The following DKK3 variants were observed in gnomAD, a reference collection of about 807,000 sequenced individuals.
The protein encoded by DKK3 is dickkopf-related protein 3.
DKK3 carries 22 observed loss-of-function variants against 33.2 expected under a neutral mutation model. The observed-to-expected ratio is 0.66, with a 90% confidence interval of 0.47 to 0.95. The LOEUF (loss-of-function observed/expected upper bound fraction) is 0.95. DKK3 is among the 40% of genes least tolerant of loss of function. The pLI is 0.00. For missense variants in DKK3, 398 were observed against 458.4 expected, an observed-to-expected ratio of 0.87 and a Z score of 1.20; for synonymous variants, 194 against 188.8, an observed-to-expected ratio of 1.03 and a Z score of -0.23.
chr11:12,008,959 C>T (rs969915223), upstream of DKK3: 3 of 1,012,764 alleles, frequency 3.0e-6, no homozygotes, highest in Admixed American at 5.9e-5. This position sits in a 1 kb window ranked among gnomAD's most constrained non-coding sequence, Gnocchi z 4.6. Context: ...ACTCTGTCCC[C>T]GGTTCAAACC....
chr11:11,984,009 G>T (rs1308220643), intron 3 of DKK3, among the ~76,000 whole-genome samples: 1 of 152,248 alleles, frequency 6.6e-6, no homozygotes, highest in African/African-American at 2.4e-5. Flanking sequence ...GCAACAGACA[G>T]ATCCTTCTAC....
rs371884398 is a variant in DKK3, at chr11:11,967,089, G to A, written c.538C>T (p.Arg180Trp). 2.5e-5 allele frequency: 40 copies of A among 1,613,348 alleles called. No homozygotes were observed. The African/African-American group carries it at 2.5e-4, about 10-fold the overall frequency. Residue 180 changes from arginine (R) to tryptophan (W), a missense_variant, in exon 5 of 7, where the codon CGG (arginine) becomes TGG (tryptophan). Arg to Trp is a moderately radical substitution (Grantham distance 101, BLOSUM62 -3). Coordinates refer to ENST00000683431, the MANE Select transcript of DKK3 (RefSeq NM_001018057.2). ...PCRGQRMLCT[R>W]DSECCGDQLC... ...TGGTCTCCACAGCACTCACTGTCCC[G>A]GGTGCAGAGCTGCAGACAGGTGGAA... is the stretch of plus-strand genomic sequence containing the variant.
chr11:11,968,426 T>G lies in DKK3; in HGVS notation c.497A>C (p.Tyr166Ser), dbSNP rs746729150. 3.1e-6 allele frequency: 5 copies of G among 1,613,186 alleles called. No individual in the cohort carries two copies. In the African/African-American group the frequency reaches 6.7e-5, roughly 22 times the overall value. The change falls in exon 4 of 7, where the codon TAC (tyrosine) becomes TCC (serine). Residue 166 changes from tyrosine to serine, a missense_variant. Tyr to Ser is a moderately radical substitution (Grantham distance 144). Coordinates refer to ENST00000683431, the MANE Select transcript of DKK3 (RefSeq NM_001018057.2). Reference sequence around the variant, plus strand: ...CTGGCCCCGGCATGGCTGGCAGGTGTACTGGAAGCTGGCAAACTGGCAGTA... The same window carrying G: ...CTGGCCCCGGCATGGCTGGCAGGTGGACTGGAAGCTGGCAAACTGGCAGTA... Reference protein sequence around the residue: ...SMYCQFASFQYTCQPCRGQRM... With the variant: ...SMYCQFASFQSTCQPCRGQRM...
chr11:11,972,854 C>A (rs568752670), intron 3 of DKK3, among the ~76,000 whole-genome samples: 1 of 152,198 alleles, frequency 6.6e-6, no homozygotes, highest in South Asian at 2.1e-4. Context: ...AAATAAGAGG[C>A]CTGGGAGGGA....
At chr11:11,992,502 C>G (rs1017205640) in intron 3 of DKK3, among the ~76,000 whole-genome samples, 1 of 152,214 alleles carries the variant, frequency 6.6e-6, no homozygotes, top group African/African-American at 2.4e-5. Context: ...TGTGACTCAG[C>G]CCATCAGCCG....
At chr11:11,969,645 A>G (rs1245422142) in intron 3 of DKK3, among the ~76,000 whole-genome samples, 1 of 146,288 alleles carries the variant, frequency 6.8e-6, no homozygotes, top group Non-Finnish European at 1.5e-5. Flanking sequence ...GAAGGGAAGG[A>G]CCGGCTCTCC....
In DKK3 at chr11:12,008,610, T is replaced by G; in HGVS notation, c.-28A>C. The G allele has an allele frequency of 7.3e-7, 1 of 1,371,482 alleles. No individual in the cohort carries two copies. Among genetic ancestry groups the G allele is most frequent in the Non-Finnish European group, 9.3e-7 (1 of 1,072,354 alleles). The allele number at this position is 1,371,482 out of a possible 1,614,324, so 85.0% of individuals were successfully genotyped here. A position where few individuals can be genotyped will look rare whatever the true frequency, so the allele number is the denominator to read the frequency against. ...CCGCTCTGCGCCCGCAGCCGCCGCC[T>G]GTGTGTCCCGGAACGCGATCAGAGG... On this transcript the variant is annotated 5_prime_UTR_variant, in exon 1 of 7. Transcript: ENST00000683431. The surrounding 1 kb of genome is among the most constrained non-coding windows in gnomAD (Gnocchi z 4.6).
chr11:12,006,865 A>G (rs1361137955), intron 1 of DKK3, among the ~76,000 whole-genome samples: 1 of 152,192 alleles, frequency 6.6e-6, no homozygotes, highest in Non-Finnish European at 1.5e-5. Context: ...TGTGTGCAGG[A>G]GGGAAAGTCC....
Position 12,008,265 on chromosome 11 carries a change from G to A in DKK3, c.213+105C>T. On this transcript the variant is annotated intron_variant, in intron 1 of 6. Coordinates refer to ENST00000683431, the MANE Select transcript of DKK3 (RefSeq NM_001018057.2). The surrounding 1 kb of genome is among the most constrained non-coding windows in gnomAD (Gnocchi z 4.6). ...CTGCTGTCGGCCCTTCCCAGGCCCT[G>A]CGCGGGACCCGAGGTCCCTGGCCAG... The A allele has an allele frequency of 7.1e-7, 1 of 1,417,730 alleles. No homozygotes were observed. Among genetic ancestry groups the A allele is most frequent in the Non-Finnish European group, 9.4e-7 (1 of 1,066,764 alleles). The allele number at this position is 1,417,730 out of a possible 1,614,324, so 87.8% of individuals were successfully genotyped here.
intron 1 of DKK3, among the ~76,000 whole-genome samples, chr11:12,006,592 C>T (rs1248411489): frequency 6.6e-6 from 1 of 152,262 alleles, no homozygotes; most frequent in Admixed American, 6.5e-5. Context: ...AACTTCAACC[C>T]CCCAACCTAC....
chr11:11,974,158 T>G (rs1847783130), intron 3 of DKK3, among the ~76,000 whole-genome samples: 3 of 152,220 alleles, frequency 2.0e-5, no homozygotes, highest in African/African-American at 7.2e-5. Context: ...GCATGCAGAA[T>G]GGAGGCCCAG....
chr11:12,001,567 G>GCACAGCA (rs1848429009), intron 2 of DKK3: 1 of 152,232 alleles, frequency 6.6e-6, no homozygotes, highest in Non-Finnish European at 1.5e-5. Flanking sequence ...CTGAATATCT[G>GCACAGCA]CACAGCACAC....
intron 4 of DKK3, among the ~76,000 whole-genome samples, 167 bp downstream of exon 4, chr11:11,968,228 A>G (rs1308387948): frequency 6.6e-6 from 1 of 152,018 alleles, no homozygotes. Flanking sequence ...AACTGGAATG[A>G]GTTCCTTGTC....
chr11:11,965,933 C>T lies in DKK3; in HGVS notation c.706G>A (p.Val236Met), dbSNP rs2291598. The T allele has an allele frequency of 5.5e-5, 88 of 1,613,592 alleles. 1 individual carries two copies. Among genetic ancestry groups the T allele is most frequent in the African/African-American group, 1.6e-4 (12 of 75,056 alleles). Residue 236 changes from valine to methionine, a missense_variant, in exon 6 of 7, where the codon GTG becomes ATG. Transcript: ENST00000683431. Reference sequence around the variant, plus strand: ...GGGTCATGGCAAAGCTCGCCCTCCACGGGCAGGGGTGTGCACACAGGGAAC... The same window carrying T: ...GGGTCATGGCAAAGCTCGCCCTCCATGGGCAGGGGTGTGCACACAGGGAAC... ...LLFPVCTPLP[V>M]EGELCHDPAS...
At position 12,008,463 on chromosome 11, in the gene DKK3, G is replaced by A. The variant is rs752745064; in HGVS notation, c.120C>T (p.Tyr40=). Residue 40 remains tyrosine, a synonymous_variant, in exon 1 of 7, where the codon TAC becomes TAT. Transcript: ENST00000683431. The surrounding 1 kb of genome is among the most constrained non-coding windows in gnomAD (Gnocchi z 4.6). The part of the protein sequence containing the change: ...APVKPGPALS[Y]PQEEATLNEM... ...CATTGAGGGTGGCCTCCTCCTGCGG[G>A]TAGCTGAGAGCCGGGCCGGGCTTGA... 4 of 1,609,422 alleles carry A rather than the reference G, an allele frequency of 2.5e-6. No homozygotes were observed. The Admixed American group carries it at 5.0e-5, about 20-fold the overall frequency.
At chr11:11,967,606 A>G (rs1288901354) in intron 4 of DKK3, among the ~76,000 whole-genome samples, 1 of 152,212 alleles carries the variant, frequency 6.6e-6, no homozygotes, top group East Asian at 1.9e-4. Flanking sequence ...GTTGGCTGCG[A>G]GGTGCAACAG....
intron 3 of DKK3, chr11:11,994,699 T>C (rs1267099434): frequency 6.6e-6 from 1 of 152,088 alleles, no homozygotes; most frequent in African/African-American, 2.4e-5. Flanking sequence ...AGCACCCCAC[T>C]CGAGAGTGTA....
intron 3 of DKK3, among the ~76,000 whole-genome samples, chr11:11,997,923 G>T (rs1554928698): frequency 6.6e-6 from 1 of 152,064 alleles, no homozygotes; most frequent in Non-Finnish European, 1.5e-5. Flanking sequence ...AAGCCATCTG[G>T]ATACAGGGGG....
At position 12,008,449 on chromosome 11, in the gene DKK3, GCCT is replaced by G. The variant is rs1564929276; in HGVS notation, c.131_133del (p.Glu44del). 6.2e-7 allele frequency: 1 copy of G among 1,610,514 alleles called. No individual in the cohort carries two copies. The highest frequency in any genetic ancestry group is 8.5e-7 in the Non-Finnish European group (1 of 1,179,568). On this transcript the variant is annotated inframe_deletion, in exon 1 of 7. Transcript: ENST00000683431. The surrounding 1 kb of genome is among the most constrained non-coding windows in gnomAD (Gnocchi z 4.6). ...CTCGCGGAACATCTCATTGAGGGTG[GCCT>G]CCTCCTGCGGGTAGCTGAGAGCCGG...
Sources: allele counts gnomAD v4.1 joint callset (sites outside exome capture counted in the v4.1 genomes callset), GRCh38; gene constraint gnomAD v4.1.1; non-coding constraint Gnocchi (gnomAD v3.1); transcripts MANE v1.5; gene names NCBI Gene and HGNC (gene_info 2026-07-23, HGNC 2026-07-21).